Variants in FILIP1 observed in about 807,000 individuals in gnomAD.
The protein encoded by FILIP1 is filamin-A-interacting protein 1.
FILIP1 carries 61 observed loss-of-function variants against 102.1 expected under a neutral mutation model. The observed-to-expected ratio is 0.60, with a 90% confidence interval of 0.49 to 0.74. The LOEUF (loss-of-function observed/expected upper bound fraction) is 0.74, where lower values mean the gene tolerates loss of function less well. Among genes scored for constraint, FILIP1 ranks in the 30% least tolerant of loss-of-function variants. The probability of loss-of-function intolerance (pLI) is 0.00; values close to 1 mark genes in which losing one functional copy is unlikely to be tolerated. For missense variants in FILIP1, 1,314 were observed against 1,441.2 expected (o/e 0.91, Z 1.43); for synonymous variants, 491 against 526.9 (o/e 0.93, Z 0.93).
At chr6:75,403,434 G>A (rs1776724654) in intron 2 of FILIP1, among the ~76,000 whole-genome samples, 3 of 149,440 alleles carry the variant, frequency 2.0e-5, no homozygotes, top group Admixed American at 1.3e-4. Context: ...AGGATCCCTT[G>A]AGTTCAGGAG....
intron 4 of FILIP1, among the ~76,000 whole-genome samples, chr6:75,316,075 G>A (rs1041785169): frequency 2.6e-5 from 4 of 152,070 alleles, no homozygotes; most frequent in Admixed American, 6.5e-5. Flanking sequence ...CAAAAATGTG[G>A]CAGCCACAGG....
At chr6:75,413,584 C>G (rs1220329685) in intron 2 of FILIP1, among the ~76,000 whole-genome samples, 2 of 152,048 alleles carry the variant, frequency 1.3e-5, no homozygotes. Context: ...GTGACCCACC[C>G]TAGTTTAGAG....
chr6:75,432,405 T>A (rs1777853548), intron 1 of FILIP1, among the ~76,000 whole-genome samples: 2 of 152,208 alleles, frequency 1.3e-5, no homozygotes, highest in South Asian at 4.1e-4. Context: ...ATGATTTGTG[T>A]CAGCATGGAC....
At chr6:75,350,548 G>A (rs531242425) in intron 4 of FILIP1, among the ~76,000 whole-genome samples, 1 of 152,040 alleles carries the variant, frequency 6.6e-6, no homozygotes, top group Admixed American at 6.6e-5. Context: ...CATGAAGGTA[G>A]TAAATAAACA....
chr6:75,344,384 C>G (rs891782590), intron 4 of FILIP1, among the ~76,000 whole-genome samples: 3 of 152,174 alleles, frequency 2.0e-5, no homozygotes, highest in Non-Finnish European at 4.4e-5. Flanking sequence ...TTGTTCACCA[C>G]ACATTATTTT....
In FILIP1 at chr6:75,313,698, A is replaced by G. The variant is rs35449948; in HGVS notation, c.2134T>C (p.Leu712=). 5,514 of 1,561,774 alleles carry G rather than the reference A, an allele frequency of 3.5e-3. 45 individuals carry two copies. The highest frequency in any genetic ancestry group is 0.032 in the African/African-American group (2,309 of 72,842). The change falls in exon 5 of 6, where the codon TTG becomes CTG. Residue 712 remains leucine, a synonymous_variant. Transcript: ENST00000237172. The surrounding 1 kb of genome is among the most constrained non-coding windows in gnomAD (Gnocchi z 4.2). ...AAGTCTCGACTTTTAGCTTCTTCCAACCGAAATCTGTGTCTCAGTTCAGCT... is the reference window on the plus strand; with the variant it reads ...AAGTCTCGACTTTTAGCTTCTTCCAGCCGAAATCTGTGTCTCAGTTCAGCT... ...QEAELRHRFR[L]EEAKSRDLKA...
At chr6:75,443,792 C>G (rs1778353895) in intron 1 of FILIP1, among the ~76,000 whole-genome samples, 2 of 152,104 alleles carry the variant, frequency 1.3e-5, no homozygotes, top group South Asian at 4.1e-4. Context: ...ATCTGCCTGA[C>G]TACTTAGGCA....
rs921482611 is a variant in FILIP1, at chr6:75,369,635, T to C, written c.277-6718A>G. Among the ~76,000 whole-genome samples the C allele has an allele frequency of 3.5e-4, 54 of 152,202 alleles. 2 individuals carry two copies. The highest frequency in any genetic ancestry group is 1.5e-4 in the Non-Finnish European group (10 of 68,036). On this transcript the variant is annotated intron_variant, in intron 2 of 5. Coordinates refer to ENST00000237172, the MANE Select transcript of FILIP1 (RefSeq NM_015687.5). ...AGAATACTTAGTTCTTATGCTCCTA[T>C]GACAGAGCTTCTTCCACACTTCTAA... is the stretch of plus-strand genomic sequence containing the variant.
At chr6:75,428,520 C>G (rs990341372) in intron 1 of FILIP1, 7 of 154,208 alleles carry the variant, frequency 4.5e-5, no homozygotes, top group Non-Finnish European at 7.3e-5. Flanking sequence ...AGTCCCAAGA[C>G]CAAACATGGA....
intron 1 of FILIP1, among the ~76,000 whole-genome samples, chr6:75,472,556 G>A (rs1779363036): frequency 6.6e-6 from 1 of 152,036 alleles, no homozygotes; most frequent in African/African-American, 2.4e-5. Context: ...AGACTGTGAA[G>A]GCCAAACATA....
chr6:75,373,014 C>T (rs555568153), intron 2 of FILIP1, among the ~76,000 whole-genome samples: 2 of 152,080 alleles, frequency 1.3e-5, no homozygotes, highest in East Asian at 3.9e-4. Context: ...TCACAATAGT[C>T]AAAAATAAGA....
chr6:75,467,210 TTTTAC>T (rs1364381501), intron 1 of FILIP1, among the ~76,000 whole-genome samples: 1 of 152,210 alleles, frequency 6.6e-6, no homozygotes, highest in Non-Finnish European at 1.5e-5. Context: ...CTTTTACTTT[TTTTAC>T]TTTATTTTCC....
At chr6:75,395,220 T>A (rs1776421211) in intron 2 of FILIP1, among the ~76,000 whole-genome samples, 2 of 152,214 alleles carry the variant, frequency 1.3e-5, no homozygotes, top group South Asian at 2.1e-4. Context: ...CTTCTGGAAC[T>A]TTTAAACCAT....
chr6:75,297,860 T>C (rs1772724617), intron 6 of FILIP1, among the ~76,000 whole-genome samples: 1 of 152,244 alleles, frequency 6.6e-6, no homozygotes, highest in Admixed American at 6.5e-5. Context: ...TTATTGTGGA[T>C]GTAATTCAGA....
At chr6:75,347,100 C>T (rs1774612450) in intron 4 of FILIP1, among the ~76,000 whole-genome samples, 1 of 152,190 alleles carries the variant, frequency 6.6e-6, no homozygotes, top group African/African-American at 2.4e-5. Flanking sequence ...CTTTCTCCCT[C>T]TGTGCATTGA....
rs773761666 is a variant in FILIP1, at chr6:75,302,675, T to A, written c.3493+6165A>T. 4.6e-4 allele frequency among the ~76,000 whole-genome samples: 70 copies of A among 151,522 alleles called. 1 individual carries two copies. The highest frequency in any genetic ancestry group is 4.2e-4 in the South Asian group (2 of 4,808). On this transcript the variant is annotated intron_variant, in intron 6 of 6. Coordinates refer to the FILIP1 transcript ENST00000393004. ...ATTATTTAAGCCTGGAGTGTGGGGG[T>A]CCCGCCAAGGGAAGGGAAAGATGCT...
At chr6:75,459,875 T>C (rs1025062538) in intron 1 of FILIP1, among the ~76,000 whole-genome samples, 4 of 152,202 alleles carry the variant, frequency 2.6e-5, no homozygotes, top group African/African-American at 9.6e-5. Flanking sequence ...TGGGAGGCAG[T>C]TTCTCAAATA....
chr6:75,306,733 G>A (rs769790638), downstream of FILIP1, among the ~76,000 whole-genome samples: 4 of 148,920 alleles, frequency 2.7e-5, no homozygotes, highest in Non-Finnish European at 5.9e-5. Flanking sequence ...TCTTTAACAT[G>A]GCTCCTCAAT....
At chr6:75,478,367 G>A (rs1779549762) in intron 1 of FILIP1, among the ~76,000 whole-genome samples, 1 of 152,206 alleles carries the variant, frequency 6.6e-6, no homozygotes, top group African/African-American at 2.4e-5. Context: ...TGACCCTGCT[G>A]TCAGTGCAGT....
Sources: allele counts gnomAD v4.1 joint callset (sites outside exome capture counted in the v4.1 genomes callset), GRCh38; gene constraint gnomAD v4.1.1; non-coding constraint Gnocchi (gnomAD v3.1); transcripts MANE v1.5; gene names NCBI Gene and HGNC (gene_info 2026-07-23, HGNC 2026-07-21).